Variants in ERC1 observed in about 807,000 individuals in gnomAD.
The protein encoded by ERC1 is ELKS/RAB6-interacting/CAST family member 1.
ERC1 carries 56 observed loss-of-function variants against 132.0 expected under a neutral mutation model. The ratio of observed to expected loss-of-function variants is 0.42; its 90% CI spans 0.34 to 0.53. ERC1 has a LOEUF of 0.53. ERC1 is among the 20% of genes least tolerant of loss of function. The pLI, the probability that ERC1 is intolerant of heterozygous loss-of-function variation, is 0.03. For missense variants in ERC1, 1,202 were observed against 1,349.9 expected (o/e 0.89, Z 1.72); for synonymous variants, 478 against 476.1 (o/e 1.00, Z -0.05).
intron 7 of ERC1, among the ~76,000 whole-genome samples, chr12:1,134,532 T>G (rs2154242995): frequency 6.6e-6 from 1 of 151,864 alleles, no homozygotes; most frequent in South Asian, 2.1e-4. Flanking sequence ...AATTTTTTTT[T>G]GTAGAGATAG....
intron 2 of ERC1, among the ~76,000 whole-genome samples, chr12:1,064,543 T>C (rs1264633246): frequency 2.0e-5 from 3 of 152,068 alleles, no homozygotes; most frequent in East Asian, 3.9e-4. Flanking sequence ...AGCTAAAAGA[T>C]TGGCCATCCC....
chr12:1,240,103 C>A (rs1401577725), intron 13 of ERC1, among the ~76,000 whole-genome samples: 1 of 152,126 alleles, frequency 6.6e-6, no homozygotes, highest in African/African-American at 2.4e-5. Context: ...TATCACTGGC[C>A]TAGGATAGAC....
At chr12:1,180,272 TGTGTGTGTGTGC>T (rs1270689712) in intron 8 of ERC1, among the ~76,000 whole-genome samples, 2 of 147,996 alleles carry the variant, frequency 1.4e-5, no homozygotes, top group African/African-American at 5.3e-5. Context: ...TGTGTGTGTG[TGTGTGTGTGTGC>T]GCGCACGCGT....
At position 1,013,474 on chromosome 12, in the gene ERC1, AT is replaced by A. The variant is rs1965020565; in HGVS notation, c.-156-14272del. 2.0e-5 allele frequency among the ~76,000 whole-genome samples: 3 copies of A among 152,166 alleles called. No individual in the cohort carries two copies. The South Asian group carries it at 6.2e-4, about 32-fold the overall frequency. On this transcript the variant is annotated intron_variant, in intron 1 of 18. Coordinates refer to ENST00000360905, the MANE Select transcript of ERC1 (RefSeq NM_178040.4). The stretch of plus-strand genomic sequence containing the variant: ...GAAATAGTAACTGACAAGTGTTAAG[AT>A]TGCTCGTTTACAATTGATGTGTCAT...
intron 18 of ERC1, chr12:1,445,114 A>G (rs755434622): frequency 5.6e-6 from 1 of 180,148 alleles, no homozygotes; most frequent in East Asian, 1.4e-4. Context: ...GCTAACATAT[A>G]CATTCCCTCA....
At chr12:1,369,758 G>T (rs2087005334) in intron 15 of ERC1, among the ~76,000 whole-genome samples, 1 of 152,068 alleles carries the variant, frequency 6.6e-6, no homozygotes. Context: ...GATCCTCGTG[G>T]TATAAGTTGC....
At chr12:1,137,953 T>C (rs2154245996) in intron 7 of ERC1, among the ~76,000 whole-genome samples, 1 of 134,252 alleles carries the variant, frequency 7.4e-6, no homozygotes, top group African/African-American at 2.8e-5. Context: ...TATATTTATA[T>C]AAATTAGATA....
intron 15 of ERC1, among the ~76,000 whole-genome samples, chr12:1,310,507 G>A (rs1032558282): frequency 7.2e-5 from 11 of 152,106 alleles, no homozygotes; most frequent in African/African-American, 2.7e-4. Context: ...CACCGCGCCT[G>A]GCCATTTAAA....
rs1442303310 is a variant in ERC1, at chr12:1,490,117, G to C, written c.3238G>C (p.Glu1080Gln). The stretch of plus-strand genomic sequence containing the variant: ...GCTTCAGGATGAGTTAGAGAAAGGT[G>C]AACGGGACAATGCAGAACTGCAGGA... ...GQLQDELEKG[E>Q]RDNAELQEFA... Residue 1080 changes from glutamate (E) to glutamine (Q), a missense_variant, in exon 19 of 19, where the codon GAA becomes CAA. By Grantham distance (29) the Glu-to-Gln change is conservative. Transcript: ENST00000360905. 2 of 1,614,120 alleles carry C rather than the reference G, an allele frequency of 1.2e-6. No individual in the cohort carries two copies. Among genetic ancestry groups the C allele is most frequent in the Non-Finnish European group, 8.5e-7 (1 of 1,179,976 alleles).
At chr12:1,150,250 C>T (rs7962548) in intron 8 of ERC1, among the ~76,000 whole-genome samples, 95 of 152,254 alleles carry the variant, frequency 6.2e-4, no homozygotes, top group African/African-American at 2.2e-3. Context: ...ACTACTGAAC[C>T]CTGAATTAGC....
chr12:1,143,637 A>G lies in ERC1; in HGVS notation c.1737+1850A>G, dbSNP rs1379474379. 4.2e-5 allele frequency among the ~76,000 whole-genome samples: 6 copies of G among 144,028 alleles called. No individual in the cohort carries two copies. In the Admixed American group the frequency reaches 4.2e-4, roughly 10 times the overall value. 94.5% of individuals were successfully genotyped at this position (144,028 alleles called of 152,430 possible). ...CATTTGAAATTTAGAATCAGCTTTT[A>G]TCATCTCCTGCCTTTAATTCTTTCT... On this transcript the variant is annotated intron_variant, in intron 8 of 18. Transcript: ENST00000360905.
intron 8 of ERC1, among the ~76,000 whole-genome samples, chr12:1,176,255 C>T (rs981190921): frequency 6.6e-6 from 1 of 152,214 alleles, no homozygotes; most frequent in African/African-American, 2.4e-5. Context: ...CCTTGTACCT[C>T]TCTATCAGAG....
At chr12:1,458,895 A>G (rs2093593194) in intron 18 of ERC1, among the ~76,000 whole-genome samples, 2 of 152,256 alleles carry the variant, frequency 1.3e-5, no homozygotes, top group Non-Finnish European at 2.9e-5. Context: ...ATGTTGGTCT[A>G]GATGCCTTTT....
intron 15 of ERC1, among the ~76,000 whole-genome samples, chr12:1,329,684 G>T (rs1365606961): frequency 6.6e-6 from 1 of 152,164 alleles, no homozygotes; most frequent in African/African-American, 2.4e-5. Flanking sequence ...CCTAGCTGGG[G>T]AAGGGGAAAA....
At chr12:1,355,627 C>G (rs993772491) in intron 15 of ERC1, among the ~76,000 whole-genome samples, 1 of 152,192 alleles carries the variant, frequency 6.6e-6, no homozygotes, top group Non-Finnish European at 1.5e-5. Flanking sequence ...CTATGTATGC[C>G]AGAGGTAAAG....
chr12:1,187,552 C>G (rs1383547760), intron 11 of ERC1, among the ~76,000 whole-genome samples: 2 of 151,970 alleles, frequency 1.3e-5, no homozygotes, highest in African/African-American at 4.8e-5. Flanking sequence ...GAGACGTGAA[C>G]CACTGCACCT....
chr12:1,404,556 A>G (rs996819050), intron 16 of ERC1, among the ~76,000 whole-genome samples: 1 of 152,204 alleles, frequency 6.6e-6, no homozygotes, highest in Non-Finnish European at 1.5e-5. Context: ...CCTCTTTAGG[A>G]GTTCAGTTTC....
intron 3 of ERC1, among the ~76,000 whole-genome samples, chr12:1,093,860 G>C (rs1213296702): frequency 6.9e-6 from 1 of 143,960 alleles, no homozygotes; most frequent in African/African-American, 2.5e-5. Context: ...AAGAAAAAAA[G>C]AAACATATAT....
chr12:1,116,518 A>G (rs1378971032), intron 7 of ERC1, among the ~76,000 whole-genome samples: 1 of 152,162 alleles, frequency 6.6e-6, no homozygotes, highest in African/African-American at 2.4e-5. Flanking sequence ...ACAGATTATT[A>G]GACAATGTGT....
Sources: gnomAD v4.1 joint callset for allele counts (sites outside exome capture counted in the v4.1 genomes callset) on GRCh38, gnomAD v4.1.1 for gene constraint, MANE v1.5 for transcripts, NCBI Gene and HGNC (gene_info 2026-07-23, HGNC 2026-07-21) for gene names.